PARP8: variants seen among roughly 807,000 people sequenced by gnomAD.
PARP8 encodes poly(ADP-ribose) polymerase family member 8.
A neutral mutation model predicts 124.1 loss-of-function variants in PARP8; 51 were observed. The observed-to-expected ratio is 0.41, with a 90% CI of 0.33 to 0.52. The LOEUF is 0.52. Ranked by LOEUF, PARP8 falls within the 20% of genes least tolerant of loss-of-function variation. The pLI, the probability that PARP8 is intolerant of heterozygous loss-of-function variation, is 0.21. For synonymous variants in PARP8, 391 were observed against 361.5 expected, an observed-to-expected ratio of 1.08 and a Z score of -0.93; for missense variants, 860 against 1,018.9, an observed-to-expected ratio of 0.84 and a Z score of 2.12.
At position 50,671,963 on chromosome 5, in the gene PARP8, C is replaced by T. The variant is rs1170101618; in HGVS notation, c.146+3838C>T. 3.3e-5 allele frequency among the ~76,000 whole-genome samples: 5 copies of T among 152,036 alleles called. No individual in the cohort carries two copies. The East Asian group carries it at 9.6e-4, about 29-fold the overall frequency. Reference sequence around the variant, plus strand: ...CTTTTGAAGTGTATCCTTTTTGTTTCAGGAGCTTCCGTCTAGATAAATAGC... The same window carrying T: ...CTTTTGAAGTGTATCCTTTTTGTTTTAGGAGCTTCCGTCTAGATAAATAGC... On this transcript the variant is annotated intron_variant, in intron 2 of 25. Coordinates refer to ENST00000281631, the MANE Select transcript of PARP8 (RefSeq NM_024615.4).
At chr5:50,762,870 T>A (rs1760695674) in intron 6 of PARP8, among the ~76,000 whole-genome samples, 1 of 152,234 alleles carries the variant, frequency 6.6e-6, no homozygotes, top group Non-Finnish European at 1.5e-5. Flanking sequence ...TCAGTCTTGA[T>A]GTTCATTCTA....
At chr5:50,708,045 A>G (rs1325352814) in intron 2 of PARP8, among the ~76,000 whole-genome samples, 1 of 151,718 alleles carries the variant, frequency 6.6e-6, no homozygotes, top group African/African-American at 2.4e-5. Flanking sequence ...TCTACTTTTT[A>G]TTTTTCCTAT....
rs182814465 is a variant in PARP8, at chr5:50,795,328, G to C, written c.1339G>C (p.Glu447Gln). Residue 447 changes from glutamate (E) to glutamine (Q), a missense_variant, in exon 12 of 26, where the codon GAA becomes CAA. Glu to Gln is a conservative substitution (Grantham distance 29, BLOSUM62 2). This residue lies in a region of PARP8 where 517 missense variants were observed against 544.2 expected (regional missense o/e 0.95). Transcript: ENST00000281631. ...PKSSKTELFKEPNAEGRRLSL... is the reference protein window; with the variant it reads ...PKSSKTELFKQPNAEGRRLSL... ...GTCATCCAAAACTGAGCTTTTCAAG[G>C]AACCTAACGCAGAGGGCAGGAGGCT... 1.2e-6 allele frequency: 2 copies of C among 1,614,004 alleles called. No homozygotes were observed. The highest frequency in any genetic ancestry group is 1.7e-6 in the Non-Finnish European group (2 of 1,180,022).
chr5:50,672,743 T>G (rs777769105), intron 2 of PARP8, among the ~76,000 whole-genome samples: 1 of 152,170 alleles, frequency 6.6e-6, no homozygotes, highest in African/African-American at 2.4e-5. Flanking sequence ...GCCCGCAGTG[T>G]GTAATTCCAT....
At chr5:50,809,948 A>C (rs1010617700) in intron 14 of PARP8, among the ~76,000 whole-genome samples, 6 of 152,034 alleles carry the variant, frequency 3.9e-5, no homozygotes, top group Admixed American at 1.3e-4. Context: ...GGAAAACATA[A>C]ATTTCTTAAA....
intron 2 of PARP8, among the ~76,000 whole-genome samples, chr5:50,670,480 A>C (rs1280274414): frequency 6.6e-6 from 1 of 152,238 alleles, no homozygotes; most frequent in South Asian, 2.1e-4. Flanking sequence ...AAAAATAATA[A>C]TTTTGTTCTA....
chr5:50,737,965 A>G (rs1413163947), intron 2 of PARP8, among the ~76,000 whole-genome samples: 1 of 152,218 alleles, frequency 6.6e-6, no homozygotes, highest in Non-Finnish European at 1.5e-5. Flanking sequence ...ACTTTACACA[A>G]TCTTATGAGA....
chr5:50,799,869 C>T (rs1386681585), intron 14 of PARP8, among the ~76,000 whole-genome samples: 1 of 152,114 alleles, frequency 6.6e-6, no homozygotes, highest in Non-Finnish European at 1.5e-5. Context: ...AATTTGTGGC[C>T]TTACTGTCAC....
At chr5:50,682,790 G>A (rs1435470039) in intron 2 of PARP8, among the ~76,000 whole-genome samples, 3 of 152,134 alleles carry the variant, frequency 2.0e-5, no homozygotes, top group Admixed American at 6.5e-5. Context: ...TTGCTTAGCT[G>A]TGGACCAGAG....
chr5:50,741,911 G>A (rs1432684461), intron 2 of PARP8: 2 of 434,012 alleles, frequency 4.6e-6, no homozygotes, highest in East Asian at 1.5e-4. Context: ...CCAGGTTCAA[G>A]TGATTCTCCT....
chr5:50,757,158 T>C, intron 3 of PARP8: 1 of 455,962 alleles, frequency 2.2e-6, no homozygotes, highest in Admixed American at 2.4e-5. Flanking sequence ...GTGGTGGAGA[T>C]ATTGCTTCAA....
intron 2 of PARP8, among the ~76,000 whole-genome samples, chr5:50,685,838 A>G (rs1751796986): frequency 1.3e-5 from 2 of 152,166 alleles, no homozygotes; most frequent in Non-Finnish European, 2.9e-5. Context: ...TTGTGCAGCA[A>G]AACTCCCCTC....
chr5:50,838,876 G>T (rs905384233), intron 25 of PARP8, among the ~76,000 whole-genome samples: 9 of 151,638 alleles, frequency 5.9e-5, no homozygotes, highest in African/African-American at 2.2e-4. Context: ...ATTTTTCAAG[G>T]CTCATTCAAA....
intron 2 of PARP8, among the ~76,000 whole-genome samples, chr5:50,669,869 A>G (rs1179397847): frequency 6.6e-6 from 1 of 152,214 alleles, no homozygotes; most frequent in Non-Finnish European, 1.5e-5. Flanking sequence ...TTTGGCTAAG[A>G]TCGAGCACAA....
intron 15 of PARP8, among the ~76,000 whole-genome samples, chr5:50,818,167 T>A (rs1187467217): frequency 6.8e-6 from 1 of 147,286 alleles, no homozygotes; most frequent in African/African-American, 2.6e-5. Context: ...TGGGGAAATA[T>A]ATCATTTAGC....
chr5:50,781,156 C>CT (rs1357052383), intron 9 of PARP8, among the ~76,000 whole-genome samples: 1 of 152,090 alleles, frequency 6.6e-6, no homozygotes, highest in Non-Finnish European at 1.5e-5. Flanking sequence ...TTTTTCCAAT[C>CT]TGTCTTCTGC....
chr5:50,669,751 CCA>C (rs2149429061), intron 2 of PARP8, among the ~76,000 whole-genome samples: 1 of 152,202 alleles, frequency 6.6e-6, no homozygotes, highest in Admixed American at 6.5e-5. Context: ...GGAAGAAGTA[CCA>C]TGGTTGCTCT....
intron 2 of PARP8, among the ~76,000 whole-genome samples, chr5:50,699,343 A>G (rs1013889481): frequency 1.3e-5 from 2 of 152,222 alleles, no homozygotes; most frequent in Admixed American, 6.5e-5. Flanking sequence ...CCTAAAGGAC[A>G]TGGATCTTGA....
At chr5:50,739,330 G>C (rs565371384) in intron 2 of PARP8, among the ~76,000 whole-genome samples, 16 of 152,004 alleles carry the variant, frequency 1.1e-4, no homozygotes, top group South Asian at 4.2e-4. Flanking sequence ...ATATTGAGGA[G>C]GCCTTTGGAT....
Sources: allele counts gnomAD v4.1 joint callset (sites outside exome capture counted in the v4.1 genomes callset), GRCh38; gene constraint gnomAD v4.1.1; regional missense constraint gnomAD v4.1.1; transcripts MANE v1.5; gene names NCBI Gene and HGNC (gene_info 2026-07-23, HGNC 2026-07-21).